Variants in AQR observed in about 807,000 individuals in gnomAD.
AQR encodes RNA helicase aquarius.
A neutral mutation model predicts 180.5 loss-of-function variants in AQR; 61 were observed. The observed-to-expected ratio is 0.34, with a 90% CI of 0.28 to 0.42. The LOEUF is 0.42. AQR is among the 10% of genes least tolerant of loss of function. The probability of loss-of-function intolerance (pLI) is 1.00; values close to 1 mark genes in which losing one functional copy is unlikely to be tolerated. For synonymous variants in AQR, 551 were observed against 588.8 expected, an observed-to-expected ratio of 0.94 and a Z score of 0.93; for missense variants, 1,281 against 1,798.3, an observed-to-expected ratio of 0.71 and a Z score of 5.20.
intron 11 of AQR, among the ~76,000 whole-genome samples, chr15:34,931,527 G>A (rs537683534): frequency 6.6e-6 from 1 of 152,276 alleles, no homozygotes; most frequent in African/African-American, 2.4e-5. Flanking sequence ...GATTTCTCCT[G>A]CTGGGTGCAG....
At chr15:34,966,360 G>A (rs2050309671) in intron 1 of AQR, among the ~76,000 whole-genome samples, 1 of 152,114 alleles carries the variant, frequency 6.6e-6, no homozygotes, top group South Asian at 2.1e-4. Flanking sequence ...AGCCCAAGAT[G>A]TCCCCTCTAC....
At chr15:34,909,596 T>C (rs1893470364) in intron 17 of AQR, among the ~76,000 whole-genome samples, 1 of 152,248 alleles carries the variant, frequency 6.6e-6, no homozygotes, top group African/African-American at 2.4e-5. Context: ...TGTTTCACTA[T>C]AGCCCTGCCC....
chr15:34,863,831 CA>C (rs1406050911), intron 32 of AQR, among the ~76,000 whole-genome samples: 1 of 152,096 alleles, frequency 6.6e-6, no homozygotes, highest in Non-Finnish European at 1.5e-5. Flanking sequence ...AATTTCACCT[CA>C]CTATTAAATA....
At chr15:34,886,995 G>A (rs1041789404) in intron 24 of AQR, among the ~76,000 whole-genome samples, 5 of 151,812 alleles carry the variant, frequency 3.3e-5, no homozygotes, top group African/African-American at 1.2e-4. Context: ...CATGGTGGCG[G>A]GCACCTGTAG....
At chr15:34,954,349 A>G (rs912943007) in intron 3 of AQR, among the ~76,000 whole-genome samples, 4 of 152,068 alleles carry the variant, frequency 2.6e-5, no homozygotes, top group African/African-American at 9.7e-5. Flanking sequence ...TCTATTGCCC[A>G]GGCTAGAGTA....
intron 32 of AQR, among the ~76,000 whole-genome samples, chr15:34,867,170 C>T (rs1566978770): frequency 6.6e-6 from 1 of 152,042 alleles, no homozygotes. Context: ...AATGAGAAAA[C>T]ATATTATACA....
chr15:34,866,600 A>G (rs1892740928), intron 32 of AQR, among the ~76,000 whole-genome samples: 1 of 152,144 alleles, frequency 6.6e-6, no homozygotes, highest in Non-Finnish European at 1.5e-5. Flanking sequence ...CGGAAGGAGT[A>G]TTCATATATT....
rs537151858 is a variant in AQR at position 34,924,470 on chromosome 15, T to G, written c.1118+2565A>C. ...TTTTTGAGACAGAGTCTCACTCTGT[T>G]GCCCAGGCTGGAGTGCAGTGGCACG... On this transcript the variant is annotated intron_variant, in intron 13 of 34. Transcript: ENST00000156471. Among the ~76,000 whole-genome samples, 23 of 152,064 alleles carry G rather than the reference T, an allele frequency of 1.5e-4. 1 individual carries two copies. The East Asian group carries it at 4.4e-3, about 29-fold the overall frequency.
intron 11 of AQR, among the ~76,000 whole-genome samples, chr15:34,931,044 G>T (rs1203816271): frequency 6.6e-6 from 1 of 152,066 alleles, no homozygotes; most frequent in African/African-American, 2.4e-5. Context: ...CACCGTGTTA[G>T]CCAGGATGGT....
At chr15:34,957,097 G>T (rs914985728) in intron 3 of AQR, among the ~76,000 whole-genome samples, 1 of 152,204 alleles carries the variant, frequency 6.6e-6, no homozygotes, top group East Asian at 1.9e-4. Flanking sequence ...AAAATGCCGT[G>T]AGCACATAGC....
chr15:34,897,543 T>A lies in AQR; in HGVS notation c.2390+16A>T. On this transcript the variant is annotated intron_variant, in intron 21 of 34. Coordinates refer to ENST00000156471, the MANE Select transcript of AQR (RefSeq NM_014691.3). ...CTATTGTTCATCATTACAATTATAATAGGTAGTAAAATTACCGTTTGGGTT... is the reference window on the plus strand; with the variant it reads ...CTATTGTTCATCATTACAATTATAAAAGGTAGTAAAATTACCGTTTGGGTT... 1.9e-6 allele frequency: 3 copies of A among 1,612,244 alleles called. No individual in the cohort carries two copies. Among genetic ancestry groups the A allele is most frequent in the Non-Finnish European group, 2.5e-6 (3 of 1,178,508 alleles).
intron 32 of AQR, 98 bp from the exon 33 acceptor site, chr15:34,863,139 G>A: frequency 1.8e-6 from 2 of 1,129,814 alleles, no homozygotes; most frequent in South Asian, 3.8e-5. Flanking sequence ...GTCCTGTTAA[G>A]CCCTGGCAAT....
chr15:34,943,325 G>A, intron 6 of AQR: 1 of 1,516,320 alleles, frequency 6.6e-7, no homozygotes, highest in African/African-American at 1.4e-5. Context: ...AGAGAATGCT[G>A]GCTATTAAAA....
chr15:34,886,532 T>C lies in AQR; in HGVS notation c.2811A>G (p.Leu937=), dbSNP rs752780404. ...YTCETAGYFF[L]YQVMSRWEEY... ...AAAACCCTTAATATCTTACCTGGTA[T>C]AAGAAGAAATAGCCTGCAGTTTCAC... The change falls in exon 25 of 35, where the codon TTA becomes TTG. Residue 937 remains leucine, a synonymous_variant. Coordinates refer to ENST00000156471, the MANE Select transcript of AQR (RefSeq NM_014691.3). 10 of 1,603,910 alleles carry C rather than the reference T, an allele frequency of 6.2e-6. No individual in the cohort carries two copies. Among genetic ancestry groups the C allele is most frequent in the South Asian group, 1.1e-5 (1 of 88,584 alleles).
intron 32 of AQR, 62 bp from the exon 33 acceptor site, chr15:34,863,103 T>C: frequency 6.7e-7 from 1 of 1,483,170 alleles, no homozygotes; most frequent in Non-Finnish European, 9.0e-7. Context: ...AGCAGCTTTT[T>C]TTTTTTTCAC....
intron 23 of AQR, among the ~76,000 whole-genome samples, chr15:34,891,859 T>C (rs1595788182): frequency 6.6e-6 from 1 of 152,150 alleles, no homozygotes; most frequent in Non-Finnish European, 1.5e-5. Context: ...TGTTATGTAA[T>C]ATGTTATTAT....
At position 34,862,849 on chromosome 15, in the gene AQR, T is replaced by C. The variant is rs918987012; in HGVS notation, c.4029+18A>G. On this transcript the variant is annotated intron_variant, in intron 33 of 34. Transcript: ENST00000156471. Reference sequence around the variant, plus strand: ...CTCTGAGGAATGCTGTTTTATAAAATGAAGAAAGAAGTCCTACCTTTCTAG... The same window carrying C: ...CTCTGAGGAATGCTGTTTTATAAAACGAAGAAAGAAGTCCTACCTTTCTAG... The C allele has an allele frequency of 1.9e-6, 3 of 1,611,348 alleles. No homozygotes were observed. Among genetic ancestry groups the C allele is most frequent in the Non-Finnish European group, 2.5e-6 (3 of 1,178,232 alleles).
At chr15:34,884,410 A>C in intron 26 of AQR, 115 bp downstream of exon 26, 2 of 998,204 alleles carry the variant, frequency 2.0e-6, no homozygotes, top group Non-Finnish European at 2.9e-6. Flanking sequence ...CGTCTCAAAA[A>C]AAAACAAAAA....
chr15:34,859,394 A>G (rs1003861989), intron 34 of AQR, among the ~76,000 whole-genome samples: 1 of 152,210 alleles, frequency 6.6e-6, no homozygotes, highest in South Asian at 2.1e-4. Context: ...AAGACGTACC[A>G]TATCAAGTGA....
Sources: allele counts gnomAD v4.1 joint callset (sites outside exome capture counted in the v4.1 genomes callset), GRCh38; gene constraint gnomAD v4.1.1; transcripts MANE v1.5; gene names NCBI Gene and HGNC (gene_info 2026-07-23, HGNC 2026-07-21).